ZNF800: variants seen among roughly 807,000 people sequenced by gnomAD.
ZNF800 encodes zinc finger protein 800.
A neutral mutation model predicts 59.5 loss-of-function variants in ZNF800; 13 were observed. The observed-to-expected ratio is 0.22, with a 90% CI of 0.14 to 0.35. ZNF800 has a LOEUF of 0.35. Ranked by LOEUF, ZNF800 falls within the 10% of genes least tolerant of loss-of-function variation. The pLI, the probability that ZNF800 is intolerant of heterozygous loss-of-function variation, is 1.00. For missense variants in ZNF800, 621 were observed against 783.7 expected, an observed-to-expected ratio of 0.79 and a Z score of 2.48; for synonymous variants, 266 against 265.7, an observed-to-expected ratio of 1.00 and a Z score of -0.01.
At position 127,378,877 on chromosome 7, in the gene ZNF800, A is replaced by G. The variant is rs141873465; in HGVS notation, c.158-1548T>C. Among the ~76,000 whole-genome samples the G allele has an allele frequency of 9.1e-4, 138 of 152,270 alleles. 1 individual carries two copies. Among genetic ancestry groups the G allele is most frequent in the African/African-American group, 3.3e-3 (136 of 41,576 alleles). On this transcript the variant is annotated intron_variant, in intron 3 of 5. Coordinates refer to ENST00000265827, the MANE Select transcript of ZNF800 (RefSeq NM_176814.5). ...TACTTGTGTGACCTTAAAAAGCTTT[A>G]TAATCTTTATACTTTGGTTTACTCA...
At chr7:127,358,190 G>T (rs978078940) in intron 1 of ZNF800, among the ~76,000 whole-genome samples, 4 of 151,840 alleles carry the variant, frequency 2.6e-5, no homozygotes, top group African/African-American at 9.7e-5. Context: ...CCCTGGAAAA[G>T]TGTTCTTCTT....
At position 127,390,574 on chromosome 7, in the gene ZNF800, C is replaced by T. The variant is rs577117277; in HGVS notation, c.61+923G>A. ...AAAATGAACTCTACTGTGATAAAAT[C>T]CAAGTACATAAGTGCAGTTAAAATA... is the stretch of plus-strand genomic sequence containing the variant. On this transcript the variant is annotated intron_variant, in intron 2 of 5. Transcript: ENST00000265827. 1.8e-3 allele frequency among the ~76,000 whole-genome samples: 271 copies of T among 152,178 alleles called. 1 individual carries two copies. The highest frequency in any genetic ancestry group is 3.4e-3 in the Middle Eastern group (1 of 294).
intron 1 of ZNF800, chr7:127,360,477 C>T (rs1227133026): frequency 6.6e-6 from 1 of 152,062 alleles, no homozygotes; most frequent in African/African-American, 2.4e-5. Flanking sequence ...TACATATAAT[C>T]CTTTATAGGA....
intron 3 of ZNF800, among the ~76,000 whole-genome samples, chr7:127,379,378 A>C (rs1248510178): frequency 1.3e-5 from 2 of 152,176 alleles, no homozygotes; most frequent in South Asian, 4.1e-4. Flanking sequence ...ACTTTTGCAC[A>C]CTGATTCTAA....
At chr7:127,342,987 T>C (rs1799994752), downstream of ZNF800, among the ~76,000 whole-genome samples, 1 of 152,036 alleles carries the variant, frequency 6.6e-6, no homozygotes. Flanking sequence ...TCCTAAATAA[T>C]ACATCAAAAA....
At chr7:127,349,852 T>C (rs1294046762) in intron 1 of ZNF800, 4 of 152,332 alleles carry the variant, frequency 2.6e-5, no homozygotes, top group Middle Eastern at 3.4e-3. Context: ...AGAGCATTTA[T>C]TATTGGTGCT....
chr7:127,374,074 G>C lies in ZNF800; in HGVS notation c.1262C>G (p.Pro421Arg). 6.2e-7 allele frequency: 1 copy of C among 1,614,096 alleles called. No homozygotes were observed. Among genetic ancestry groups the C allele is most frequent in the Non-Finnish European group, 8.5e-7 (1 of 1,180,018 alleles). The part of the protein sequence containing the change: ...EPADSVESSP[P>R]SITHSPQNEL... ...ATTCTGTGGAGAATGGGTAATGGAA[G>C]GGGGTGAAGATTCTACAGAATCTGC... The change falls in exon 5 of 6, where the codon CCT becomes CGT. Residue 421 changes from proline (P) to arginine (R), a missense_variant. Transcript: ENST00000265827.
intron 1 of ZNF800, 86 bp downstream of exon 1, chr7:127,391,974 C>G: frequency 2.6e-6 from 1 of 381,124 alleles, no homozygotes; most frequent in East Asian, 3.8e-5. Flanking sequence ...CGGCTGCTGG[C>G]CCACGCCGCG....
At chr7:127,384,424 C>T (rs12706784) in intron 3 of ZNF800, among the ~76,000 whole-genome samples, 20,775 of 151,202 alleles carry the variant, frequency 0.14, 1,663 homozygotes, top group Middle Eastern at 0.22. Flanking sequence ...TTAGTAGAGA[C>T]GGAGTTTCAC....
intron 5 of ZNF800, chr7:127,372,852 TCA>T (rs891986878): frequency 2.0e-6 from 2 of 985,274 alleles, no homozygotes; most frequent in African/African-American, 3.5e-5. Flanking sequence ...TATTTAGCCG[TCA>T]CAGATTAATT....
In ZNF800 at chr7:127,392,336, C is replaced by A. The variant is rs1308849130; in HGVS notation, c.-335G>T. ...GCGCTGTGTGGCTAGGCGGGAGGCG[C>A]GCGGGCGGAGGCAGTTGACAGGAGG... On this transcript the variant is annotated 5_prime_UTR_variant, in exon 1 of 6. Coordinates refer to ENST00000265827, the MANE Select transcript of ZNF800 (RefSeq NM_176814.5). The A allele has an allele frequency of 7.9e-6, 3 of 380,530 alleles. No individual in the cohort carries two copies. Among genetic ancestry groups the A allele is most frequent in the South Asian group, 1.4e-4 (1 of 7,118 alleles). 23.6% of individuals were successfully genotyped at this position (380,530 alleles called of 1,614,324 possible). A position where few individuals can be genotyped will look rare whatever the true frequency, so the allele number is the denominator to read the frequency against.
At chr7:127,355,573 T>C (rs1219872217) in intron 1 of ZNF800, among the ~76,000 whole-genome samples, 1 of 151,986 alleles carries the variant, frequency 6.6e-6, no homozygotes, top group African/African-American at 2.4e-5. Flanking sequence ...GTCTACGTAA[T>C]AAGCAAAGTG....
chr7:127,364,183 G>T (rs1562899268), intron 1 of ZNF800: 2 of 152,058 alleles, frequency 1.3e-5, no homozygotes, highest in Non-Finnish European at 2.9e-5. Context: ...AAGCACTAAT[G>T]GTTGCAGAGG....
chr7:127,361,022 A>G (rs931894329), intron 1 of ZNF800: 6 of 152,150 alleles, frequency 3.9e-5, no homozygotes, highest in African/African-American at 1.4e-4. Context: ...CACTCAGGAC[A>G]CAAGGACGGA....
rs1000644637 is a variant in ZNF800, at chr7:127,371,536, G to A, written c.*278C>T. ...TTGTAACATTTTTGTAGAAACTGTC[G>A]ACCAAATGCACAAGGTCAAGGGTGG... On this transcript the variant is annotated 3_prime_UTR_variant, in exon 6 of 6. Coordinates refer to ENST00000265827, the MANE Select transcript of ZNF800 (RefSeq NM_176814.5). 6.0e-5 allele frequency: 19 copies of A among 314,978 alleles called. No individual in the cohort carries two copies. Among genetic ancestry groups the A allele is most frequent in the African/African-American group, 2.3e-4 (11 of 46,824 alleles). 19.5% of individuals were successfully genotyped at this position (314,978 alleles called of 1,614,324 possible).
chr7:127,354,976 C>A (rs1164069717), intron 1 of ZNF800, among the ~76,000 whole-genome samples: 1 of 152,048 alleles, frequency 6.6e-6, no homozygotes, highest in African/African-American at 2.4e-5. Flanking sequence ...GTGTGATTAA[C>A]CCACCTTTTT....
At chr7:127,345,673 T>C (rs1800049112), downstream of ZNF800, among the ~76,000 whole-genome samples, 1 of 152,138 alleles carries the variant, frequency 6.6e-6, no homozygotes, top group Non-Finnish European at 1.5e-5. Flanking sequence ...GGTCAGACTG[T>C]GCAAGGCTAT....
At chr7:127,346,012 AAG>A (rs536031834), downstream of ZNF800, among the ~76,000 whole-genome samples, 194 of 152,258 alleles carry the variant, frequency 1.3e-3, 1 homozygote, top group East Asian at 9.5e-3. Context: ...GATGATGCAA[AAG>A]AGAGAAAGGG....
chr7:127,376,727 T>C (rs1029419391), intron 4 of ZNF800, among the ~76,000 whole-genome samples: 27 of 152,044 alleles, frequency 1.8e-4, no homozygotes, highest in African/African-American at 6.0e-4. Flanking sequence ...TCCCAAGAAA[T>C]GAACAAATTT....
Sources: gnomAD v4.1 joint callset for allele counts (sites outside exome capture counted in the v4.1 genomes callset) on GRCh38, gnomAD v4.1.1 for gene constraint, MANE v1.5 for transcripts, NCBI Gene and HGNC (gene_info 2026-07-23, HGNC 2026-07-21) for gene names.